SMOX: variants seen among roughly 807,000 people sequenced by gnomAD.
SMOX encodes spermine oxidase, also known as flavin containing amine oxidase.
A neutral mutation model predicts 51.0 loss-of-function variants in SMOX; 22 were observed. The ratio of observed to expected loss-of-function variants is 0.43; its 90% CI spans 0.31 to 0.62. The LOEUF (loss-of-function observed/expected upper bound fraction) is 0.62. Among genes scored for constraint, SMOX ranks in the 20% least tolerant of loss-of-function variants. The probability of loss-of-function intolerance (pLI) is 0.10; values close to 1 mark genes in which losing one functional copy is unlikely to be tolerated. For synonymous variants in SMOX, 282 were observed against 307.8 expected (o/e 0.92, Z 0.88); for missense variants, 566 against 777.7 (o/e 0.73, Z 3.24).
At chr20:4,159,017 TAA>T (rs10714303) in intron 1 of SMOX, among the ~76,000 whole-genome samples, 269 of 149,640 alleles carry the variant, frequency 1.8e-3, no homozygotes, top group Non-Finnish European at 3.1e-3. Flanking sequence ...TTTGGAAAAT[TAA>T]AAAAAAAAAA....
Position 4,181,792 on chromosome 20 carries a change from C to T in SMOX, c.436-11C>T. 6 of 1,612,762 alleles carry T rather than the reference C, an allele frequency of 3.7e-6. No individual in the cohort carries two copies. The highest frequency in any genetic ancestry group is 5.1e-6 in the Non-Finnish European group (6 of 1,179,320). On this transcript the variant is annotated splice_polypyrimidine_tract_variant and intron_variant, in intron 3 of 6. Transcript: ENST00000305958. The surrounding 1 kb of genome is among the most constrained non-coding windows in gnomAD (Gnocchi z 5.6). ...TGAGGTGTTTTCAGTCTCATGGGGTCTCTCTGGCAGGTCTATAACTTGACC... is the reference window on the plus strand; with the variant it reads ...TGAGGTGTTTTCAGTCTCATGGGGTTTCTCTGGCAGGTCTATAACTTGACC...
In SMOX at chr20:4,160,481, T is replaced by C. The variant is rs575655305; in HGVS notation, c.-27+11504T>C. On this transcript the variant is annotated intron_variant, in intron 1 of 6. Transcript: ENST00000305958. ...CACTCCATCCAGGTGGCGTCTGTCATGCCTCTGAACCTCTTGGGGCCTGTT... is the reference window on the plus strand; with the variant it reads ...CACTCCATCCAGGTGGCGTCTGTCACGCCTCTGAACCTCTTGGGGCCTGTT... 2.4e-4 allele frequency among the ~76,000 whole-genome samples: 36 copies of C among 152,290 alleles called. 1 individual carries two copies. The East Asian group carries it at 7.0e-3, about 29-fold the overall frequency.
At chr20:4,158,540 C>G (rs185971523) in intron 1 of SMOX, among the ~76,000 whole-genome samples, 77 of 152,284 alleles carry the variant, frequency 5.1e-4, no homozygotes, top group African/African-American at 1.7e-3. Flanking sequence ...GAAGGTGTGA[C>G]TTAAAGTCAG....
chr20:4,183,427 G>A lies in SMOX; in HGVS notation c.1370-67G>A. ...AGGTGGGGTGGGGGGTTGTCCCTTTGGGGTCATCTTCCATATGCAGCCATT... is the reference window on the plus strand; with the variant it reads ...AGGTGGGGTGGGGGGTTGTCCCTTTAGGGTCATCTTCCATATGCAGCCATT... On this transcript the variant is annotated intron_variant, in intron 5 of 6. Transcript: ENST00000305958. This position sits in a 1 kb window ranked among gnomAD's most constrained non-coding sequence, Gnocchi z 4.3. 1 of 1,611,256 alleles carries A rather than the reference G, an allele frequency of 6.2e-7. No homozygotes were observed. Among genetic ancestry groups the A allele is most frequent in the African/African-American group, 1.3e-5 (1 of 74,938 alleles).
chr20:4,162,820 C>T (rs1223648552), intron 1 of SMOX, among the ~76,000 whole-genome samples: 2 of 152,260 alleles, frequency 1.3e-5, no homozygotes, highest in Non-Finnish European at 2.9e-5. Context: ...GACCCCATTC[C>T]TGCTTCCTGG....
chr20:4,183,599 C>T lies in SMOX; in HGVS notation c.1475C>T (p.Ala492Val), dbSNP rs1049711750. Residue 492 changes from alanine (A) to valine (V), a missense_variant, in exon 6 of 7, where the codon GCG (alanine) becomes GTG (valine). This residue lies in a region of SMOX where 347 missense variants were observed against 481.8 expected (regional missense o/e 0.72). Transcript: ENST00000305958. The surrounding 1 kb of genome is among the most constrained non-coding windows in gnomAD (Gnocchi z 4.3). The part of the protein sequence containing the change: ...YSYTQVGSSG[A>V]DVEKLAKPLP... ...TACACGCAGGTGGGCTCCAGCGGGG[C>T]GGATGTGGAGAAGCTGGCCAAGCCC... 5.6e-6 allele frequency: 9 copies of T among 1,608,100 alleles called. No homozygotes were observed. The highest frequency in any genetic ancestry group is 3.4e-5 in the Admixed American group (2 of 59,692).
chr20:4,150,228 A>G (rs1985666515), intron 1 of SMOX, among the ~76,000 whole-genome samples: 1 of 152,104 alleles, frequency 6.6e-6, no homozygotes, highest in African/African-American at 2.4e-5. Context: ...CTTCACAGCA[A>G]AACTTCTCTG....
In SMOX at chr20:4,181,561, C is replaced by T. The variant is rs1173674460; in HGVS notation, c.436-242C>T. Reference sequence around the variant, plus strand: ...GTTTCACATTGTCCTAAGTGAGGGCCCAGCAAGAAAACCTCCGGGGCTTAT... The same window carrying T: ...GTTTCACATTGTCCTAAGTGAGGGCTCAGCAAGAAAACCTCCGGGGCTTAT... On this transcript the variant is annotated intron_variant, in intron 3 of 6. Transcript: ENST00000305958. This position sits in a 1 kb window ranked among gnomAD's most constrained non-coding sequence, Gnocchi z 5.6. Among the ~76,000 whole-genome samples, 1 of 152,160 alleles carries T rather than the reference C, an allele frequency of 6.6e-6. No homozygotes were observed. Among genetic ancestry groups the T allele is most frequent in the African/African-American group, 2.4e-5 (1 of 41,434 alleles).
chr20:4,159,986 G>A (rs1260743880), intron 1 of SMOX, among the ~76,000 whole-genome samples: 4 of 152,214 alleles, frequency 2.6e-5, no homozygotes, highest in Non-Finnish European at 1.5e-5. Context: ...GCCAGTGATC[G>A]AGGACCGTCT....
intron 1 of SMOX, among the ~76,000 whole-genome samples, chr20:4,155,310 T>A (rs1341072234): frequency 6.6e-6 from 1 of 152,104 alleles, no homozygotes; most frequent in Non-Finnish European, 1.5e-5. Context: ...CCCAAGTCCT[T>A]GTTGCTGCCG....
chr20:4,186,121 G>T (rs1227731322), intron 6 of SMOX, among the ~76,000 whole-genome samples: 2 of 151,812 alleles, frequency 1.3e-5, no homozygotes, highest in Non-Finnish European at 2.9e-5. Flanking sequence ...GGGCAACAAA[G>T]TAAGACCTCC....
intron 1 of SMOX, among the ~76,000 whole-genome samples, chr20:4,157,874 G>C (rs2122394696): frequency 6.6e-6 from 1 of 152,210 alleles, no homozygotes; most frequent in South Asian, 2.1e-4. Context: ...CAGCAGCTCA[G>C]GTGGGGGAGA....
intron 1 of SMOX, among the ~76,000 whole-genome samples, chr20:4,171,494 G>A (rs1978387676): frequency 6.6e-6 from 1 of 152,202 alleles, no homozygotes; most frequent in South Asian, 2.1e-4. Flanking sequence ...TCTGCCCTCT[G>A]TGGGCTGTGT....
At chr20:4,164,620 TTGTGTG>T (rs756743685) in intron 1 of SMOX, among the ~76,000 whole-genome samples, 1 of 151,242 alleles carries the variant, frequency 6.6e-6, no homozygotes. Flanking sequence ...CTTTCATGAT[TTGTGTG>T]TGTGTGTGTG....
At position 4,175,018 on chromosome 20, in the gene SMOX, C is replaced by T. The variant is rs751522179; in HGVS notation, c.-26-12C>T. The stretch of plus-strand genomic sequence containing the variant: ...CAGAGCCACTAAGCTGTGACACCTC[C>T]TCCCCCTGCAGGTTCCTAGAAGGTG... On this transcript the variant is annotated splice_polypyrimidine_tract_variant and intron_variant, in intron 1 of 6. Coordinates refer to ENST00000305958, the MANE Select transcript of SMOX (RefSeq NM_175839.3). 5 of 1,610,280 alleles carry T rather than the reference C, an allele frequency of 3.1e-6. No homozygotes were observed. Among genetic ancestry groups the T allele is most frequent in the Non-Finnish European group, 4.2e-6 (5 of 1,177,590 alleles).
At chr20:4,163,868 G>A (rs1986442524) in intron 1 of SMOX, among the ~76,000 whole-genome samples, 1 of 152,174 alleles carries the variant, frequency 6.6e-6, no homozygotes, top group Non-Finnish European at 1.5e-5. Context: ...AAGCCACAGT[G>A]TCTTTTATGT....
rs1324146861 is a variant in SMOX at position 4,183,826 on chromosome 20, A to G, written c.1530+172A>G. Among the ~76,000 whole-genome samples, 6 of 152,296 alleles carry G rather than the reference A, an allele frequency of 3.9e-5. No individual in the cohort carries two copies. Among genetic ancestry groups the G allele is most frequent in the Non-Finnish European group, 4.4e-5 (3 of 68,014 alleles). On this transcript the variant is annotated intron_variant, in intron 6 of 6. Transcript: ENST00000305958. The surrounding 1 kb of genome is among the most constrained non-coding windows in gnomAD (Gnocchi z 4.3). ...ACAAGGAAAAAAGTGTGCACTTAAT[A>G]TCTGGAAGAAAAAATGGAATCAAAT... is the stretch of plus-strand genomic sequence containing the variant.
rs1047644222 is a variant in SMOX, at chr20:4,167,960, G to A, written c.-26-7070G>A. ...AGCAGCTGGTCTGGGATTTCTGGGC[G>A]TTTTTACATTTGAAGAATAATTGCA... On this transcript the variant is annotated intron_variant, in intron 1 of 6. Coordinates refer to ENST00000305958, the MANE Select transcript of SMOX (RefSeq NM_175839.3). This position sits in a 1 kb window ranked among gnomAD's most constrained non-coding sequence, Gnocchi z 4.8. 3.3e-5 allele frequency among the ~76,000 whole-genome samples: 5 copies of A among 152,094 alleles called. No individual in the cohort carries two copies. The highest frequency in any genetic ancestry group is 9.7e-5 in the African/African-American group (4 of 41,406).
intron 1 of SMOX, among the ~76,000 whole-genome samples, chr20:4,165,297 G>A (rs961367841): frequency 5.9e-5 from 9 of 151,808 alleles, no homozygotes; most frequent in African/African-American, 1.5e-4. Context: ...CTCATGATCC[G>A]CCCGCCTTGG....
Sources: allele counts gnomAD v4.1 joint callset (sites outside exome capture counted in the v4.1 genomes callset), GRCh38; gene constraint gnomAD v4.1.1; regional missense constraint gnomAD v4.1.1; non-coding constraint Gnocchi (gnomAD v3.1); transcripts MANE v1.5; gene names NCBI Gene and HGNC (gene_info 2026-07-23, HGNC 2026-07-21).